PDZD2: variants seen among roughly 807,000 people sequenced by gnomAD.
PDZD2 encodes the protein PDZ domain-containing protein 2.
A neutral mutation model predicts 220.7 loss-of-function variants in PDZD2; 90 were observed. The observed-to-expected ratio is 0.41, with a 90% CI of 0.34 to 0.49. PDZD2 has a LOEUF of 0.49. PDZD2 is among the 20% of genes least tolerant of loss of function. The pLI is 0.28. For missense variants in PDZD2, 3,174 were observed against 3,608.5 expected (o/e 0.88, Z 3.08); for synonymous variants, 1,375 against 1,450.5 (o/e 0.95, Z 1.18).
chr5:31,708,435 A>C (rs978693387), intron 1 of PDZD2, among the ~76,000 whole-genome samples: 26 of 152,146 alleles, frequency 1.7e-4, no homozygotes, highest in African/African-American at 6.0e-4. Flanking sequence ...GGCTTAAATT[A>C]TGCTTATTCT....
chr5:31,884,119 C>T lies in PDZD2; in HGVS notation c.476+84395C>T, dbSNP rs182960101. ...TCCCAACTACTCAGGAGGCTGAGGC[C>T]GGAGAATCGCTTGAACCCAGGAGGC... On this transcript the variant is annotated intron_variant, in intron 2 of 24. Transcript: ENST00000438447. Among the ~76,000 whole-genome samples, 10 of 152,138 alleles carry T rather than the reference C, an allele frequency of 6.6e-5. No homozygotes were observed. The East Asian group carries it at 1.2e-3, about 18-fold the overall frequency.
At chr5:31,916,718 G>C (rs1743716263) in intron 2 of PDZD2, among the ~76,000 whole-genome samples, 1 of 152,178 alleles carries the variant, frequency 6.6e-6, no homozygotes, top group African/African-American at 2.4e-5. Context: ...TCTGCATAGA[G>C]CCAGTACAAA....
intron 1 of PDZD2, among the ~76,000 whole-genome samples, chr5:31,683,905 A>G (rs950570643): frequency 6.6e-6 from 1 of 152,188 alleles, no homozygotes; most frequent in Admixed American, 6.5e-5. Context: ...TCCCTAAGAA[A>G]GGTTGCACAA....
intron 2 of PDZD2, chr5:31,840,417 TATATATATATATATATATATA>T (rs1561499041): frequency 3.0e-5 from 3 of 99,698 alleles, no homozygotes; most frequent in African/African-American, 7.3e-5. Context: ...TATATATATA[TATATATATATATATATATATA>T]TATATATATA....
chr5:31,881,368 G>GTATA (rs1235523162), intron 2 of PDZD2, among the ~76,000 whole-genome samples: 36 of 83,444 alleles, frequency 4.3e-4, no homozygotes, highest in African/African-American at 1.6e-3. Context: ...GTGTGTGTGT[G>GTATA]TATATATTTT....
At chr5:32,106,536 CA>C (rs1396081453) in intron 24 of PDZD2, 1 of 152,228 alleles carries the variant, frequency 6.6e-6, no homozygotes. Flanking sequence ...TCATCATCAC[CA>C]TTTTGCAGAT....
chr5:31,980,664 C>G (rs1482576511), intron 2 of PDZD2, among the ~76,000 whole-genome samples: 5 of 152,256 alleles, frequency 3.3e-5, no homozygotes, highest in African/African-American at 1.2e-4. Context: ...TATACCTCTC[C>G]AAGGATTTTT....
At chr5:31,880,717 GGCAGCCAA>G (rs932840923) in intron 2 of PDZD2, among the ~76,000 whole-genome samples, 1 of 150,934 alleles carries the variant, frequency 6.6e-6, no homozygotes, top group African/African-American at 2.4e-5. Context: ...TAAATATCCT[GGCAGCCAA>G]GTCGGGTAAA....
At chr5:31,819,066 T>C (rs1755654049) in intron 2 of PDZD2, among the ~76,000 whole-genome samples, 1 of 152,222 alleles carries the variant, frequency 6.6e-6, no homozygotes, top group Non-Finnish European at 1.5e-5. Flanking sequence ...TACAACCAGC[T>C]ATACCCTGAG....
chr5:31,987,311 C>T (rs1021896184), intron 3 of PDZD2, among the ~76,000 whole-genome samples: 4 of 152,158 alleles, frequency 2.6e-5, no homozygotes, highest in African/African-American at 7.2e-5. Context: ...CCCTAGGAAT[C>T]GTAATCTACC....
At chr5:31,867,835 A>G (rs753383493) in intron 2 of PDZD2, among the ~76,000 whole-genome samples, 1 of 148,842 alleles carries the variant, frequency 6.7e-6, no homozygotes, top group African/African-American at 2.5e-5. Flanking sequence ...CCTACCCGTA[A>G]CTATCAGACA....
intron 2 of PDZD2, among the ~76,000 whole-genome samples, chr5:31,886,752 C>T (rs1272444961): frequency 6.6e-6 from 1 of 151,190 alleles, no homozygotes; most frequent in Non-Finnish European, 1.5e-5. Flanking sequence ...GGCTGGAGTG[C>T]AGTGGTGCGA....
intron 24 of PDZD2, among the ~76,000 whole-genome samples, chr5:32,104,657 T>G (rs1398752003): frequency 1.5e-5 from 2 of 130,160 alleles, no homozygotes; most frequent in African/African-American, 5.9e-5. Flanking sequence ...GAGGCGGAGG[T>G]TGCAGTGAGC....
intron 1 of PDZD2, chr5:31,712,054 T>C (rs440968): frequency 0.76 from 116,204 of 152,620 alleles, 44,363 homozygotes; most frequent in East Asian, 0.94. Flanking sequence ...TGTGGCGTCT[T>C]GGTCCAGGAT....
intron 2 of PDZD2, among the ~76,000 whole-genome samples, chr5:31,850,821 A>T (rs1030713743): frequency 3.9e-5 from 6 of 151,952 alleles, no homozygotes; most frequent in Admixed American, 2.0e-4. Context: ...TATTTTTAGT[A>T]GAGACGGAGT....
chr5:31,848,445 C>T (rs546939992), intron 2 of PDZD2, among the ~76,000 whole-genome samples: 21 of 152,230 alleles, frequency 1.4e-4, no homozygotes, highest in Non-Finnish European at 2.5e-4. Context: ...AATGCACCCT[C>T]CCTATCAGAA....
At chr5:32,094,697 CAA>C (rs36064147) in intron 21 of PDZD2, among the ~76,000 whole-genome samples, 39 of 112,402 alleles carry the variant, frequency 3.5e-4, no homozygotes, top group Middle Eastern at 4.5e-3. Flanking sequence ...CCTCATCTCT[CAA>C]AAAAAAAAAA....
intron 2 of PDZD2, among the ~76,000 whole-genome samples, chr5:31,884,354 T>A (rs1016745172): frequency 6.6e-6 from 1 of 152,198 alleles, no homozygotes; most frequent in African/African-American, 2.4e-5. Context: ...CTCTGGTGGC[T>A]TTTATCCTAG....
chr5:31,770,704 A>G (rs919336), intron 1 of PDZD2, among the ~76,000 whole-genome samples: 76,678 of 151,454 alleles, frequency 0.51, 19,791 homozygotes, highest in Middle Eastern at 0.59. Context: ...GTAAATGGAA[A>G]CCAGCGGCTG....
Sources: allele counts gnomAD v4.1 joint callset (sites outside exome capture counted in the v4.1 genomes callset), GRCh38; gene constraint gnomAD v4.1.1; transcripts MANE v1.5; gene names NCBI Gene and HGNC (gene_info 2026-07-23, HGNC 2026-07-21).